WDFY4: variants seen among roughly 807,000 people sequenced by gnomAD.
The protein encoded by WDFY4 is WD repeat- and FYVE domain-containing protein 4.
A neutral mutation model predicts 351.9 loss-of-function variants in WDFY4; 169 were observed. The observed-to-expected ratio is 0.48, with a 90% CI of 0.42 to 0.55. The LOEUF (loss-of-function observed/expected upper bound fraction) is 0.55, where lower values mean the gene tolerates loss of function less well. Ranked by LOEUF, WDFY4 falls within the 20% of genes least tolerant of loss-of-function variation. The probability of loss-of-function intolerance (pLI) is 0.00; values close to 1 mark genes in which losing one functional copy is unlikely to be tolerated. For missense variants in WDFY4, 3,803 were observed against 3,935.6 expected (o/e 0.97, Z 0.90); for synonymous variants, 1,622 against 1,574.6 (o/e 1.03, Z -0.71).
chr10:48,691,345 T>G (rs1589391072), intron 1 of WDFY4, among the ~76,000 whole-genome samples: 2 of 152,280 alleles, frequency 1.3e-5, no homozygotes, highest in East Asian at 3.9e-4. Context: ...TGGTGTGGGC[T>G]GGCTGGGTCC....
At chr10:48,954,151 A>G (rs1841476234) in intron 51 of WDFY4, among the ~76,000 whole-genome samples, 1 of 152,164 alleles carries the variant, frequency 6.6e-6, no homozygotes, top group Non-Finnish European at 1.5e-5. Context: ...CTAGGATTAT[A>G]TTGTTTCTGA....
chr10:48,698,070 A>G (rs928307916), intron 1 of WDFY4, among the ~76,000 whole-genome samples: 4 of 152,210 alleles, frequency 2.6e-5, no homozygotes, highest in East Asian at 1.9e-4. Flanking sequence ...GTTGTCCATT[A>G]CAGAGCCTCT....
chr10:48,870,526 C>G (rs1436788654), intron 40 of WDFY4, among the ~76,000 whole-genome samples: 1 of 150,058 alleles, frequency 6.7e-6, no homozygotes, highest in Non-Finnish European at 1.5e-5. Context: ...GCCTTCTAGC[C>G]TGTATGACAG....
chr10:48,945,889 C>T, intron 49 of WDFY4, 151 bp from the exon 50 acceptor site: 1 of 540,152 alleles, frequency 1.9e-6, no homozygotes, highest in Non-Finnish European at 3.2e-6. Context: ...GGCTCTGGGG[C>T]CATAAAACCC....
intron 11 of WDFY4, among the ~76,000 whole-genome samples, chr10:48,738,879 C>T (rs997228117): frequency 5.3e-5 from 8 of 152,194 alleles, no homozygotes; most frequent in African/African-American, 1.9e-4. Flanking sequence ...CACTCTGCAT[C>T]CCTTCCCTGT....
intron 35 of WDFY4, among the ~76,000 whole-genome samples, chr10:48,825,760 G>A (rs2067972479): frequency 6.6e-6 from 1 of 150,998 alleles, no homozygotes; most frequent in Admixed American, 6.6e-5. Flanking sequence ...TGTCTTCTTT[G>A]GAGAAATGTC....
At chr10:48,853,806 C>T (rs190805602) in intron 39 of WDFY4, among the ~76,000 whole-genome samples, 9 of 152,328 alleles carry the variant, frequency 5.9e-5, no homozygotes, top group South Asian at 2.1e-4. Flanking sequence ...GTCATCTCTG[C>T]CCCAGCATTG....
chr10:48,924,524 A>G (rs918890665), intron 47 of WDFY4, among the ~76,000 whole-genome samples: 3 of 152,226 alleles, frequency 2.0e-5, no homozygotes, highest in Non-Finnish European at 2.9e-5. Flanking sequence ...GTATTTATGT[A>G]TGGTTGGATG....
chr10:48,821,450 C>A (rs966229760), intron 34 of WDFY4, among the ~76,000 whole-genome samples: 1 of 152,330 alleles, frequency 6.6e-6, no homozygotes, highest in East Asian at 1.9e-4. Flanking sequence ...TCTCCTGTAG[C>A]CTCAGTAGAA....
Position 48,970,116 on chromosome 10 carries a change from C to T in WDFY4, c.8770-15C>T. 7 of 1,551,142 alleles carry T rather than the reference C, an allele frequency of 4.5e-6. No individual in the cohort carries two copies. The highest frequency in any genetic ancestry group is 6.1e-6 in the Non-Finnish European group (7 of 1,146,886). On this transcript the variant is annotated splice_polypyrimidine_tract_variant and intron_variant, in intron 56 of 61. Coordinates refer to ENST00000325239, the MANE Select transcript of WDFY4 (RefSeq NM_001394531.1). ...CTGTCTCCACAGCAGCGCTCATCCC[C>T]CTTATCTCCTACAGGTCCTGATGAC...
At chr10:48,903,814 T>C (rs891848420) in intron 47 of WDFY4, among the ~76,000 whole-genome samples, 1 of 152,158 alleles carries the variant, frequency 6.6e-6, no homozygotes, top group Non-Finnish European at 1.5e-5. Context: ...AAATTTAGAA[T>C]AGTGTTTAAA....
intron 38 of WDFY4, among the ~76,000 whole-genome samples, chr10:48,832,344 T>C (rs2068218046): frequency 6.6e-6 from 1 of 152,206 alleles, no homozygotes; most frequent in African/African-American, 2.4e-5. Flanking sequence ...CAACAAGCCG[T>C]GGAGCTAGGA....
At position 48,807,955 on chromosome 10, in the gene WDFY4, C is replaced by A. The variant is rs1339688991; in HGVS notation, c.4835C>A (p.Ser1612Tyr). Reference protein sequence around the residue: ...VISSPQLHLSSESKEEMFLKL... With the variant: ...VISSPQLHLSYESKEEMFLKL... ...TCTTCCCCCCAGCTTCATCTGTCCTCTGAGTAAGTAGCTCCAGGAAGAGCA... is the reference window on the plus strand; with the variant it reads ...TCTTCCCCCCAGCTTCATCTGTCCTATGAGTAAGTAGCTCCAGGAAGAGCA... Residue 1612 changes from serine (S) to tyrosine (Y), a missense_variant, in exon 28 of 62, where the codon TCT becomes TAT. Transcript: ENST00000325239. 3 of 1,540,524 alleles carry A rather than the reference C, an allele frequency of 1.9e-6. No individual in the cohort carries two copies. The South Asian group carries it at 3.6e-5, about 19-fold the overall frequency.
chr10:48,736,170 C>T, intron 11 of WDFY4, 100 bp downstream of exon 11: 2 of 1,380,112 alleles, frequency 1.4e-6, no homozygotes, highest in Non-Finnish European at 2.0e-6. Flanking sequence ...CAGTTAGCCA[C>T]TGTATGTGGC....
At chr10:48,839,576 C>T (rs2068525418) in intron 39 of WDFY4, among the ~76,000 whole-genome samples, 1 of 150,856 alleles carries the variant, frequency 6.6e-6, no homozygotes, top group Non-Finnish European at 1.5e-5. Context: ...ACTGGCATGG[C>T]AGGAAAGCAG....
At chr10:48,732,121 C>T (rs531737816) in intron 9 of WDFY4, among the ~76,000 whole-genome samples, 1 of 152,320 alleles carries the variant, frequency 6.6e-6, no homozygotes, top group Admixed American at 6.5e-5. Flanking sequence ...GTCTCAATCC[C>T]AATAGCCTCT....
intron 2 of WDFY4, among the ~76,000 whole-genome samples, chr10:48,719,290 C>T (rs1296516717): frequency 6.6e-6 from 1 of 151,988 alleles, no homozygotes; most frequent in East Asian, 1.9e-4. Flanking sequence ...AATCAAGAAA[C>T]ATGAAAAGAG....
chr10:48,973,945 C>T (rs1041596581), intron 57 of WDFY4, among the ~76,000 whole-genome samples: 1 of 152,186 alleles, frequency 6.6e-6, no homozygotes, highest in African/African-American at 2.4e-5. Flanking sequence ...GACCATGTGA[C>T]CTCCCCTTTT....
At chr10:48,722,103 G>A (rs2064109039) in intron 4 of WDFY4, among the ~76,000 whole-genome samples, 1 of 152,206 alleles carries the variant, frequency 6.6e-6, no homozygotes, top group East Asian at 1.9e-4. Flanking sequence ...ACCCAGACAT[G>A]AGATGGGCAT....
Sources: gnomAD v4.1 joint callset for allele counts (sites outside exome capture counted in the v4.1 genomes callset) on GRCh38, gnomAD v4.1.1 for gene constraint, MANE v1.5 for transcripts, NCBI Gene and HGNC (gene_info 2026-07-23, HGNC 2026-07-21) for gene names.